LNPEP: variants seen among roughly 807,000 people sequenced by gnomAD.
LNPEP encodes the protein leucyl-cystinyl aminopeptidase.
LNPEP carries 64 observed loss-of-function variants against 120.6 expected under a neutral mutation model. The ratio of observed to expected loss-of-function variants is 0.53; its 90% confidence interval spans 0.43 to 0.65. The LOEUF (loss-of-function observed/expected upper bound fraction) is 0.65, where lower values mean the gene tolerates loss of function less well. Among genes scored for constraint, LNPEP ranks in the 30% least tolerant of loss-of-function variants. LNPEP has a pLI of 0.00. For missense variants in LNPEP, 1,057 were observed against 1,200.0 expected (o/e 0.88, Z 1.76); for synonymous variants, 435 against 425.4 (o/e 1.02, Z -0.28).
chr5:96,939,017 C>T (rs1362537603), intron 1 of LNPEP, among the ~76,000 whole-genome samples: 1 of 150,438 alleles, frequency 6.6e-6, no homozygotes, highest in Non-Finnish European at 1.5e-5. Context: ...CAACTATCTG[C>T]TTTTTTGGTT....
intron 11 of LNPEP, chr5:97,010,330 G>A (rs1790895749): frequency 1.0e-6 from 1 of 982,070 alleles, no homozygotes; most frequent in African/African-American, 1.7e-5. Context: ...TGCTGTGAAA[G>A]TTAAAGATAT....
At chr5:97,026,829 T>A in intron 16 of LNPEP, 72 bp downstream of exon 16, 1 of 1,337,904 alleles carries the variant, frequency 7.5e-7, no homozygotes, top group African/African-American at 1.5e-5. Flanking sequence ...CCCAGTGTTT[T>A]GGCTCACAGA....
intron 8 of LNPEP, among the ~76,000 whole-genome samples, chr5:96,998,546 G>A (rs1790572434): frequency 1.3e-5 from 2 of 152,172 alleles, no homozygotes; most frequent in Non-Finnish European, 2.9e-5. Flanking sequence ...TTTAAGAATT[G>A]AAGATTCGAT....
At chr5:96,997,453 G>C (rs889971448) in intron 7 of LNPEP, among the ~76,000 whole-genome samples, 1 of 152,042 alleles carries the variant, frequency 6.6e-6, no homozygotes, top group East Asian at 1.9e-4. Flanking sequence ...TGACCACTTG[G>C]TGGTGCCCAG....
At chr5:96,954,620 A>C (rs7723899) in intron 1 of LNPEP, among the ~76,000 whole-genome samples, 61,681 of 83,662 alleles carry the variant, frequency 0.74, 23,477 homozygotes, top group East Asian at 0.79. Flanking sequence ...CTCTCTCTCT[A>C]TATATATATA....
At chr5:97,021,474 A>G (rs27293) in intron 13 of LNPEP, among the ~76,000 whole-genome samples, 90,329 of 152,062 alleles carry the variant, frequency 0.59, 26,904 homozygotes, top group Middle Eastern at 0.7. Context: ...CAAACTAGTT[A>G]ATAATGTTAA....
chr5:96,945,405 CAAAAAAA>C (rs751074987), intron 1 of LNPEP, among the ~76,000 whole-genome samples: 2 of 65,302 alleles, frequency 3.1e-5, no homozygotes, highest in African/African-American at 1.3e-4. Context: ...GACCCTATCT[CAAAAAAA>C]AAAAAAAAAA....
chr5:97,015,427 T>A (rs1043465228), intron 13 of LNPEP, among the ~76,000 whole-genome samples: 1 of 152,112 alleles, frequency 6.6e-6, no homozygotes, highest in Non-Finnish European at 1.5e-5. Context: ...GCAAAGTAGA[T>A]CTCCCCATTA....
chr5:96,999,481 C>G (rs1284323219), intron 8 of LNPEP, among the ~76,000 whole-genome samples: 1 of 152,102 alleles, frequency 6.6e-6, no homozygotes, highest in Non-Finnish European at 1.5e-5. Context: ...ATCAGGAGTT[C>G]AGTTAGCTAT....
chr5:96,964,156 G>C (rs1789672207), intron 1 of LNPEP, among the ~76,000 whole-genome samples: 1 of 150,748 alleles, frequency 6.6e-6, no homozygotes, highest in African/African-American at 2.4e-5. Flanking sequence ...AGATCATGTG[G>C]TATTTGTCTT....
In LNPEP at chr5:96,954,765, TATA is replaced by T. The variant is rs1561430220; in HGVS notation, c.19+18592_19+18594del. Among the ~76,000 whole-genome samples the T allele has an allele frequency of 4.0e-4, 17 of 42,730 alleles. 3 individuals carry two copies. The highest frequency in any genetic ancestry group is 1.0e-3 in the African/African-American group (12 of 11,508). The allele number at this position is 42,730 out of a possible 152,430, so 28.0% of individuals were successfully genotyped here. ...ATATATACACATATATATATATATA[TATA>T]TATATTTTTTTTTTTTTTTTTTTTT... On this transcript the variant is annotated intron_variant, in intron 1 of 17. Transcript: ENST00000231368.
At chr5:96,969,744 T>A (rs1050968903) in intron 1 of LNPEP, among the ~76,000 whole-genome samples, 4 of 150,644 alleles carry the variant, frequency 2.7e-5, no homozygotes, top group Non-Finnish European at 5.9e-5. Flanking sequence ...TTTGCCCTGT[T>A]TTTTTTTTAT....
Position 96,996,384 on chromosome 5 carries a change from C to T in LNPEP, c.1408-6C>T. 1 of 1,539,514 alleles carries T rather than the reference C, an allele frequency of 6.5e-7. No homozygotes were observed. The highest frequency in any genetic ancestry group is 1.1e-5 in the South Asian group (1 of 89,564). On this transcript the variant is annotated splice_region_variant and splice_polypyrimidine_tract_variant and intron_variant, in intron 6 of 17. Transcript: ENST00000231368. ...CCTGTGGGTTAATTGTTTTCTCTCCCCCCAGTGGTTTGGCAATCTGGTAAC... is the reference window on the plus strand; with the variant it reads ...CCTGTGGGTTAATTGTTTTCTCTCCTCCCAGTGGTTTGGCAATCTGGTAAC...
At chr5:97,008,519 T>G (rs1277194353) in intron 11 of LNPEP, among the ~76,000 whole-genome samples, 1 of 151,260 alleles carries the variant, frequency 6.6e-6, no homozygotes, top group African/African-American at 2.4e-5. Context: ...CTTGGCTTAA[T>G]TTTTGTATTT....
chr5:96,992,983 G>A, intron 4 of LNPEP, 32 bp from the exon 5 acceptor site: 1 of 1,522,874 alleles, frequency 6.6e-7, no homozygotes, highest in South Asian at 1.2e-5. Flanking sequence ...AATTGTACCT[G>A]TCCTTGCATC....
At chr5:96,974,247 C>T (rs1358999313) in intron 1 of LNPEP, among the ~76,000 whole-genome samples, 1 of 152,102 alleles carries the variant, frequency 6.6e-6, no homozygotes, top group African/African-American at 2.4e-5. Context: ...TATGCCTTCC[C>T]AACAACTTGC....
At chr5:96,967,909 C>A (rs1418215600) in intron 1 of LNPEP, among the ~76,000 whole-genome samples, 1 of 152,064 alleles carries the variant, frequency 6.6e-6, no homozygotes, top group African/African-American at 2.4e-5. Context: ...ATATTTGGAG[C>A]AAAATTTATA....
At chr5:96,960,736 A>G (rs988270975) in intron 1 of LNPEP, among the ~76,000 whole-genome samples, 6 of 152,214 alleles carry the variant, frequency 3.9e-5, no homozygotes, top group African/African-American at 1.2e-4. Flanking sequence ...AAACTTTTCT[A>G]TTAGAAATTA....
rs1426979211 is a variant in LNPEP, at chr5:96,985,168, A to G, written c.949A>G (p.Ile317Val). The change falls in exon 3 of 18, where the codon ATC becomes GTC. Residue 317 changes from isoleucine (I) to valine (V), a missense_variant. Physicochemically the swap from Ile to Val is conservative, Grantham distance 29. Coordinates refer to ENST00000231368, the MANE Select transcript of LNPEP (RefSeq NM_005575.3). The stretch of plus-strand genomic sequence containing the variant: ...ACCAGCATTTAAAGCCACTTTTATC[A>G]TCAAGATCATAAGGGATGAGCAATA... ...DEPAFKATFI[I>V]KIIRDEQYTA... is the part of the protein sequence containing the mutation. 1.2e-6 allele frequency: 2 copies of G among 1,613,802 alleles called. No homozygotes were observed. Among genetic ancestry groups the G allele is most frequent in the African/African-American group, 1.3e-5 (1 of 74,904 alleles).
Sources: gnomAD v4.1 joint callset for allele counts (sites outside exome capture counted in the v4.1 genomes callset) on GRCh38, gnomAD v4.1.1 for gene constraint, MANE v1.5 for transcripts, NCBI Gene and HGNC (gene_info 2026-07-23, HGNC 2026-07-21) for gene names.